GALNTL6: variants seen among roughly 807,000 people sequenced by gnomAD.
GALNTL6 encodes polypeptide N-acetylgalactosaminyltransferase-like 6.
A neutral mutation model predicts 73.7 loss-of-function variants in GALNTL6; 46 were observed. The ratio of observed to expected loss-of-function variants is 0.62; its 90% confidence interval spans 0.49 to 0.80. The LOEUF (loss-of-function observed/expected upper bound fraction) is 0.80. Ranked by LOEUF, GALNTL6 falls within the 30% of genes least tolerant of loss-of-function variation. GALNTL6 has a pLI of 0.00. For missense variants in GALNTL6, 604 were observed against 755.0 expected (o/e 0.80, Z 2.34); for synonymous variants, 259 against 263.7 (o/e 0.98, Z 0.17).
chr4:172,262,071 G>T (rs1324240092), intron 3 of GALNTL6, among the ~76,000 whole-genome samples: 1 of 151,266 alleles, frequency 6.6e-6, no homozygotes, highest in African/African-American at 2.4e-5. Context: ...CAATCTTGGA[G>T]AATGTTCCAT....
intron 2 of GALNTL6, among the ~76,000 whole-genome samples, chr4:171,937,880 A>G (rs1460948327): frequency 1.3e-5 from 2 of 152,200 alleles, no homozygotes; most frequent in Admixed American, 1.3e-4. Context: ...TTAATGATAA[A>G]AAGGCTCAGT....
At chr4:172,930,772 C>T (rs1015500752) in intron 8 of GALNTL6, among the ~76,000 whole-genome samples, 2 of 152,164 alleles carry the variant, frequency 1.3e-5, no homozygotes, top group African/African-American at 4.8e-5. Context: ...GCAAGCCATT[C>T]GCCCAACTCA....
chr4:172,861,679 T>C (rs956761256), intron 7 of GALNTL6, among the ~76,000 whole-genome samples: 6 of 152,314 alleles, frequency 3.9e-5, no homozygotes, highest in Admixed American at 2.6e-4. Flanking sequence ...TGGGAGGTAA[T>C]TGAATCATGG....
intron 5 of GALNTL6, among the ~76,000 whole-genome samples, chr4:172,444,708 G>T (rs1731956603): frequency 6.6e-6 from 1 of 152,114 alleles, no homozygotes; most frequent in Admixed American, 6.6e-5. Flanking sequence ...AATATGATAA[G>T]CTATTCCATA....
intron 2 of GALNTL6, among the ~76,000 whole-genome samples, chr4:172,103,063 A>T (rs1732565655): frequency 6.6e-6 from 1 of 152,212 alleles, no homozygotes. Context: ...GAAAACAAAT[A>T]TACATAAAAG....
At chr4:171,883,740 C>CG (rs1736527191) in intron 2 of GALNTL6, among the ~76,000 whole-genome samples, 1 of 151,794 alleles carries the variant, frequency 6.6e-6, no homozygotes, top group African/African-American at 2.4e-5. Context: ...CTCCGCCTCC[C>CG]GGGTTCACGC....
chr4:172,299,404 T>C (rs564720813), intron 3 of GALNTL6, among the ~76,000 whole-genome samples: 1 of 152,358 alleles, frequency 6.6e-6, no homozygotes, highest in South Asian at 2.1e-4. Flanking sequence ...TCTTGCCTTC[T>C]ACTAGCTTTT....
chr4:172,815,616 G>C (rs1357516445), intron 7 of GALNTL6, among the ~76,000 whole-genome samples: 1 of 152,164 alleles, frequency 6.6e-6, no homozygotes, highest in East Asian at 1.9e-4. Context: ...AGTTATAAAA[G>C]TATTCTCAGT....
intron 5 of GALNTL6, among the ~76,000 whole-genome samples, chr4:172,387,706 T>G (rs1435853491): frequency 1.3e-5 from 2 of 152,174 alleles, no homozygotes; most frequent in African/African-American, 4.8e-5. Context: ...TGGTAATTAT[T>G]TCTTCAAATC....
At chr4:172,245,014 T>G (rs918692762) in intron 3 of GALNTL6, among the ~76,000 whole-genome samples, 1 of 152,064 alleles carries the variant, frequency 6.6e-6, no homozygotes. Flanking sequence ...ACAAGAAAAT[T>G]TTCTGCTGAA....
chr4:172,857,332 C>T (rs956570076), intron 7 of GALNTL6, among the ~76,000 whole-genome samples: 1 of 152,154 alleles, frequency 6.6e-6, no homozygotes. Flanking sequence ...TCATCTTCAG[C>T]TTTTGGCCTG....
chr4:172,392,187 C>T (rs1743686642), intron 5 of GALNTL6, among the ~76,000 whole-genome samples: 1 of 152,014 alleles, frequency 6.6e-6, no homozygotes, highest in Non-Finnish European at 1.5e-5. Context: ...CAGGGTGTCA[C>T]CATATTGGTC....
intron 5 of GALNTL6, among the ~76,000 whole-genome samples, chr4:172,416,901 G>T (rs1333225077): frequency 6.6e-6 from 1 of 152,032 alleles, no homozygotes; most frequent in Non-Finnish European, 1.5e-5. Context: ...TAAAAACGGG[G>T]TAATTGTTTC....
intron 2 of GALNTL6, among the ~76,000 whole-genome samples, chr4:172,169,456 T>A (rs1337861522): frequency 2.0e-5 from 3 of 152,230 alleles, no homozygotes; most frequent in Non-Finnish European, 4.4e-5. Context: ...GTCATAGTGA[T>A]GTAGTTTGAC....
At chr4:172,783,915 G>A (rs1037661929) in intron 5 of GALNTL6, among the ~76,000 whole-genome samples, 1 of 152,084 alleles carries the variant, frequency 6.6e-6, no homozygotes, top group Admixed American at 6.6e-5. Context: ...AATTATGGAT[G>A]TACCACAGAA....
chr4:172,420,757 A>G (rs1406835911), intron 5 of GALNTL6, among the ~76,000 whole-genome samples: 1 of 152,132 alleles, frequency 6.6e-6, no homozygotes, highest in East Asian at 1.9e-4. Flanking sequence ...AAGACTTGGA[A>G]CCAACCCAAA....
At chr4:172,284,817 G>A (rs907953770) in intron 3 of GALNTL6, among the ~76,000 whole-genome samples, 5 of 152,074 alleles carry the variant, frequency 3.3e-5, no homozygotes, top group African/African-American at 1.2e-4. Flanking sequence ...CTTTACTTCT[G>A]GGTTCTCTAT....
chr4:172,880,948 C>G (rs1170141299), intron 7 of GALNTL6, among the ~76,000 whole-genome samples: 1 of 152,096 alleles, frequency 6.6e-6, no homozygotes. Context: ...TAGAATTTTT[C>G]TTGCCCAATA....
chr4:172,538,500 A>G (rs1252593319), intron 5 of GALNTL6, among the ~76,000 whole-genome samples: 1 of 151,982 alleles, frequency 6.6e-6, no homozygotes, highest in African/African-American at 2.4e-5. Flanking sequence ...TAGATTTCAA[A>G]CCATAATGAG....
Sources: gnomAD v4.1 joint callset for allele counts (sites outside exome capture counted in the v4.1 genomes callset) on GRCh38, gnomAD v4.1.1 for gene constraint, MANE v1.5 for transcripts, NCBI Gene and HGNC (gene_info 2026-07-23, HGNC 2026-07-21) for gene names.